The following NBEAL1 variants were observed in gnomAD, a reference collection of about 807,000 sequenced individuals.
NBEAL1 encodes the protein neurobeachin like 1.
In NBEAL1, 273 loss-of-function variants were observed where a neutral mutation model predicts 351.3. The ratio of observed to expected loss-of-function variants is 0.78; its 90% confidence interval spans 0.70 to 0.86. The LOEUF (loss-of-function observed/expected upper bound fraction) is 0.86, where lower values mean the gene tolerates loss of function less well. NBEAL1 is among the 40% of genes least tolerant of loss of function. NBEAL1 has a pLI of 0.00. For synonymous variants in NBEAL1, 1,050 were observed against 1,086.4 expected, an observed-to-expected ratio of 0.97 and a Z score of 0.66; for missense variants, 2,961 against 3,201.3, an observed-to-expected ratio of 0.92 and a Z score of 1.81.
At chr2:203,056,326 T>G (rs2061400871) in intron 4 of NBEAL1, 101 bp from the exon 5 acceptor site, 1 of 697,754 alleles carries the variant, frequency 1.4e-6, no homozygotes, top group East Asian at 2.7e-5. Context: ...TCATTTGCAT[T>G]TTGTTTGCCA....
chr2:203,207,006 G>A (rs2065602715), intron 51 of NBEAL1, among the ~76,000 whole-genome samples: 1 of 151,804 alleles, frequency 6.6e-6, no homozygotes, highest in Admixed American at 6.6e-5. Context: ...TCCCATCTAG[G>A]AAGTGAGGAG....
At chr2:203,059,844 T>A (rs1337296084) in intron 6 of NBEAL1, among the ~76,000 whole-genome samples, 1 of 152,196 alleles carries the variant, frequency 6.6e-6, no homozygotes, top group Non-Finnish European at 1.5e-5. Flanking sequence ...TAGAGACCTG[T>A]CTTTTTTTAA....
chr2:203,123,630 G>A (rs1214974069), intron 19 of NBEAL1, among the ~76,000 whole-genome samples: 6 of 152,124 alleles, frequency 3.9e-5, no homozygotes, highest in East Asian at 3.9e-4. Flanking sequence ...CACCATGCCC[G>A]GCCAGAACAC....
chr2:203,075,928 T>C (rs945666595), intron 7 of NBEAL1, among the ~76,000 whole-genome samples: 2 of 152,264 alleles, frequency 1.3e-5, no homozygotes, highest in Non-Finnish European at 2.9e-5. Context: ...CTTAATTTTT[T>C]AATTATAAGT....
At chr2:203,022,788 C>T (rs750702866) in intron 2 of NBEAL1, among the ~76,000 whole-genome samples, 6 of 151,958 alleles carry the variant, frequency 3.9e-5, no homozygotes, top group African/African-American at 7.2e-5. Flanking sequence ...ATGTCTTAAC[C>T]GAGAATGTCT....
chr2:203,079,378 A>T (rs2061833559), intron 8 of NBEAL1, among the ~76,000 whole-genome samples: 1 of 152,198 alleles, frequency 6.6e-6, no homozygotes, highest in Non-Finnish European at 1.5e-5. Context: ...CACTGTGCCT[A>T]GCCAACAAAA....
intron 27 of NBEAL1, among the ~76,000 whole-genome samples, chr2:203,134,223 C>T (rs910196997): frequency 3.9e-5 from 6 of 152,056 alleles, no homozygotes; most frequent in Non-Finnish European, 7.4e-5. Flanking sequence ...TGATCCTTTC[C>T]TTTTCACGTA....
At position 203,126,073 on chromosome 2, in the gene NBEAL1, C is replaced by G. The variant is rs1007163658; in HGVS notation, c.2965C>G (p.Leu989Val). 1.3e-6 allele frequency: 2 copies of G among 1,544,130 alleles called. No individual in the cohort carries two copies. Among genetic ancestry groups the G allele is most frequent in the Non-Finnish European group, 1.7e-6 (2 of 1,144,264 alleles). ...TATTCACTCCCATGGAGTTGCAACT[C>G]TTGGTGCTTTACTTCAGAAGGTGAG... ...NLIHSHGVAT[L>V]GALLQKVPST... The change falls in exon 21 of 56, where the codon CTT becomes GTT. Residue 989 changes from leucine (L) to valine (V), a missense_variant. Coordinates refer to ENST00000683969, the MANE Select transcript of NBEAL1 (RefSeq NM_001378026.1).
At chr2:203,032,533 A>C (rs1228601824) in intron 2 of NBEAL1, among the ~76,000 whole-genome samples, 1 of 151,296 alleles carries the variant, frequency 6.6e-6, no homozygotes, top group Non-Finnish European at 1.5e-5. Context: ...GGTGTCGGGC[A>C]CCTGTAGTCC....
intron 44 of NBEAL1, among the ~76,000 whole-genome samples, chr2:203,183,896 G>A (rs963102708): frequency 4.0e-5 from 6 of 151,630 alleles, no homozygotes; most frequent in African/African-American, 1.5e-4. Context: ...TGGCCAACAT[G>A]GTGAAACCTC....
intron 2 of NBEAL1, among the ~76,000 whole-genome samples, chr2:203,039,275 C>G (rs1574880318): frequency 1.9e-5 from 1 of 53,484 alleles, no homozygotes; most frequent in Non-Finnish European, 3.8e-5. Context: ...CCTTCCCTTC[C>G]CTTCCCTTTC....
chr2:203,170,483 C>T (rs2106407363), intron 39 of NBEAL1, among the ~76,000 whole-genome samples: 1 of 152,284 alleles, frequency 6.6e-6, no homozygotes, highest in African/African-American at 2.4e-5. Context: ...AATTCTCCTA[C>T]CAGCCAAAGT....
At chr2:203,178,551 T>A (rs1197277208) in intron 42 of NBEAL1, among the ~76,000 whole-genome samples, 1 of 152,188 alleles carries the variant, frequency 6.6e-6, no homozygotes, top group Non-Finnish European at 1.5e-5. Context: ...ATCCATACAA[T>A]GGAATATTAT....
Position 203,107,700 on chromosome 2 carries a change from A to G in NBEAL1, c.1461A>G (p.Gln487=), listed in dbSNP as rs776696951. The part of the protein sequence containing the change: ...LLLIQWLPEL[Q]SHDLQIFISD... ...TTATCCAGTGGCTTCCAGAACTACA[A>G]TCCCATGACCTGCAAATCTTCATCT... Residue 487 remains glutamine, a synonymous_variant, in exon 14 of 56, where the codon CAA becomes CAG. Coordinates refer to ENST00000683969, the MANE Select transcript of NBEAL1 (RefSeq NM_001378026.1). 27 of 1,553,304 alleles carry G rather than the reference A, an allele frequency of 1.7e-5. No individual in the cohort carries two copies. In the South Asian group the frequency reaches 2.6e-4, roughly 15 times the overall value.
intron 42 of NBEAL1, among the ~76,000 whole-genome samples, chr2:203,178,775 T>TG (rs373722569): frequency 8.4e-4 from 127 of 151,716 alleles, no homozygotes; most frequent in African/African-American, 2.6e-3. Flanking sequence ...TCTCCAGGGG[T>TG]GGGAGTAGGG....
At chr2:203,208,862 T>C (rs1208698151) in intron 52 of NBEAL1, 109 bp downstream of exon 52, 5 of 782,680 alleles carry the variant, frequency 6.4e-6, no homozygotes, top group East Asian at 2.7e-5. Context: ...AGAAATGTTA[T>C]ACCATACTTG....
intron 35 of NBEAL1, among the ~76,000 whole-genome samples, chr2:203,151,872 A>G (rs2063662710): frequency 6.6e-6 from 1 of 152,144 alleles, no homozygotes; most frequent in Non-Finnish European, 1.5e-5. Context: ...CAATGAAACA[A>G]TGTTCTTTTC....
In NBEAL1 at chr2:203,049,799, C is replaced by T. The variant is rs1358884152; in HGVS notation, c.144-15C>T. The stretch of plus-strand genomic sequence containing the variant: ...ATTTCAACAGGCTTCTTATTTTTTT[C>T]CCTTTCTGTTGTAGGGTAGATGATA... On this transcript the variant is annotated splice_polypyrimidine_tract_variant and intron_variant, in intron 3 of 55. Coordinates refer to ENST00000683969, the MANE Select transcript of NBEAL1 (RefSeq NM_001378026.1). 6 of 1,492,328 alleles carry T rather than the reference C, an allele frequency of 4.0e-6. No individual in the cohort carries two copies. The Admixed American group carries it at 7.6e-5, about 19-fold the overall frequency. The allele number at this position is 1,492,328 out of a possible 1,614,324, so 92.4% of individuals were successfully genotyped here. A position where few individuals can be genotyped will look rare whatever the true frequency, so the allele number is the denominator to read the frequency against.
chr2:203,132,033 C>G lies in NBEAL1; in HGVS notation c.3625C>G (p.Leu1209Val). 6.4e-7 allele frequency: 1 copy of G among 1,554,752 alleles called. No homozygotes were observed. The highest frequency in any genetic ancestry group is 8.7e-7 in the Non-Finnish European group (1 of 1,147,764). ...TGAGCGTAGTAAACAACATATTCGA[C>G]TCAGAGAAGTTGGCTACTCGGGACT... ...VYERSKQHIR[L>V]REVGYSGLGL... The change falls in exon 26 of 56, where the codon CTC becomes GTC. Residue 1209 changes from leucine to valine, a missense_variant. Coordinates refer to ENST00000683969, the MANE Select transcript of NBEAL1 (RefSeq NM_001378026.1).
Sources: allele counts gnomAD v4.1 joint callset (sites outside exome capture counted in the v4.1 genomes callset), GRCh38; gene constraint gnomAD v4.1.1; transcripts MANE v1.5; gene names NCBI Gene and HGNC (gene_info 2026-07-23, HGNC 2026-07-21).